Variants in VAV2 observed in about 807,000 individuals in gnomAD.
The protein encoded by VAV2 is vav guanine nucleotide exchange factor 2, also known as guanine nucleotide exchange factor VAV2.
VAV2 carries 67 observed loss-of-function variants against 132.5 expected under a neutral mutation model. The observed-to-expected ratio is 0.51, with a 90% confidence interval of 0.42 to 0.62. VAV2 has a LOEUF of 0.62. Among genes scored for constraint, VAV2 ranks in the 20% least tolerant of loss-of-function variants. The pLI is 0.00. For missense variants in VAV2, 938 were observed against 1,153.6 expected, an observed-to-expected ratio of 0.81 and a Z score of 2.71; for synonymous variants, 492 against 443.5, an observed-to-expected ratio of 1.11 and a Z score of -1.37.
intron 2 of VAV2, among the ~76,000 whole-genome samples, chr9:133,923,417 G>C (rs1056184848): frequency 6.6e-6 from 1 of 152,198 alleles, no homozygotes; most frequent in African/African-American, 2.4e-5. Flanking sequence ...GGTCACGAGA[G>C]AAACGCAAAT....
chr9:133,852,643 G>A (rs1329045909), intron 3 of VAV2, among the ~76,000 whole-genome samples: 1 of 152,104 alleles, frequency 6.6e-6, no homozygotes, highest in East Asian at 1.9e-4. Context: ...GGCTGTTCAC[G>A]CCCCCCTGCC....
chr9:133,972,112 C>A (rs1285574473), intron 1 of VAV2, among the ~76,000 whole-genome samples: 1 of 152,130 alleles, frequency 6.6e-6, no homozygotes, highest in Non-Finnish European at 1.5e-5. Context: ...CCACACACAC[C>A]CCAAAGTCCC....
At chr9:133,848,948 C>A (rs1221303049) in intron 3 of VAV2, among the ~76,000 whole-genome samples, 1 of 152,232 alleles carries the variant, frequency 6.6e-6, no homozygotes, top group South Asian at 2.1e-4. Context: ...AATGATCTCA[C>A]GTCTCATCTG....
At chr9:133,990,643 G>A (rs1019746047) in intron 1 of VAV2, among the ~76,000 whole-genome samples, 2 of 152,178 alleles carry the variant, frequency 1.3e-5, no homozygotes, top group Non-Finnish European at 2.9e-5. Context: ...ACCTTGGTTC[G>A]AGGCCCAGCC....
At chr9:133,838,410 A>G (rs74787779) in intron 3 of VAV2, among the ~76,000 whole-genome samples, 7,539 of 133,944 alleles carry the variant, frequency 0.056, 426 homozygotes, top group African/African-American at 0.15. Flanking sequence ...TGGCTGGCTG[A>G]GTGGGTGCAT....
chr9:133,939,425 T>G, intron 1 of VAV2: 1 of 597,738 alleles, frequency 1.7e-6, no homozygotes. Context: ...CAGGCCTGGA[T>G]GGAAGTGGAA....
chr9:133,837,476 C>A (rs1334689038), intron 3 of VAV2, among the ~76,000 whole-genome samples: 1 of 152,080 alleles, frequency 6.6e-6, no homozygotes, highest in Non-Finnish European at 1.5e-5. Context: ...GCGGGCGGAT[C>A]ACCTGAGGTC....
chr9:133,931,144 G>T (rs1022107129), intron 2 of VAV2, among the ~76,000 whole-genome samples: 4 of 152,196 alleles, frequency 2.6e-5, no homozygotes, highest in African/African-American at 9.6e-5. Context: ...AGCAGCATCA[G>T]ACTTCACTCG....
At chr9:133,950,843 C>T (rs1256343303) in intron 1 of VAV2, among the ~76,000 whole-genome samples, 16 of 152,096 alleles carry the variant, frequency 1.1e-4, no homozygotes, top group Admixed American at 7.9e-4. Context: ...TTCCGGAAAG[C>T]GGCCTCCGAG....
chr9:133,800,146 G>A (rs1211102815), intron 9 of VAV2, among the ~76,000 whole-genome samples: 1 of 152,220 alleles, frequency 6.6e-6, no homozygotes, highest in Non-Finnish European at 1.5e-5. Context: ...TCCTGGGGCT[G>A]TCCTAGGGCT....
intron 5 of VAV2, among the ~76,000 whole-genome samples, chr9:133,811,335 C>T (rs941122970): frequency 6.6e-6 from 1 of 152,264 alleles, no homozygotes; most frequent in Non-Finnish European, 1.5e-5. Flanking sequence ...TGCTTCTCCA[C>T]CACCAGCTGG....
intron 3 of VAV2, among the ~76,000 whole-genome samples, chr9:133,850,302 C>G (rs777050166): frequency 6.6e-6 from 1 of 152,218 alleles, no homozygotes; most frequent in Non-Finnish European, 1.5e-5. Flanking sequence ...ACGCCCTACC[C>G]TGCTCTGCCC....
In VAV2 at chr9:133,991,367, C is replaced by T. The variant is rs1843009988; in HGVS notation, c.204+708G>A. Among the ~76,000 whole-genome samples, 1 of 152,198 alleles carries T rather than the reference C, an allele frequency of 6.6e-6. No individual in the cohort carries two copies. Among genetic ancestry groups the T allele is most frequent in the Non-Finnish European group, 1.5e-5 (1 of 68,036 alleles). On this transcript the variant is annotated intron_variant, in intron 1 of 29. Coordinates refer to ENST00000371850, the MANE Select transcript of VAV2 (RefSeq NM_001134398.2). The surrounding 1 kb of genome is among the most constrained non-coding windows in gnomAD (Gnocchi z 4.8). ...GGCCCTGCGGCCGCACGCGTGCCTC[C>T]GCCGCGACAAAGGCCACACTCAGCG...
At chr9:133,930,831 G>A (rs1459800286) in intron 2 of VAV2, among the ~76,000 whole-genome samples, 3 of 152,218 alleles carry the variant, frequency 2.0e-5, no homozygotes, top group South Asian at 4.1e-4. Context: ...AGCGTCGCCA[G>A]CTGGCACTTC....
At chr9:133,909,589 G>A (rs1214975297) in intron 2 of VAV2, among the ~76,000 whole-genome samples, 1 of 152,134 alleles carries the variant, frequency 6.6e-6, no homozygotes, top group Admixed American at 6.5e-5. Flanking sequence ...CCATCCACAA[G>A]AGATAGCCAG....
intron 4 of VAV2, among the ~76,000 whole-genome samples, chr9:133,818,537 G>A (rs983879100): frequency 1.3e-5 from 2 of 152,174 alleles, no homozygotes; most frequent in African/African-American, 4.8e-5. Flanking sequence ...GCCTTGGGCT[G>A]ACACATCACT....
intron 2 of VAV2, among the ~76,000 whole-genome samples, chr9:133,915,572 C>A (rs2132058466): frequency 7.6e-6 from 1 of 131,652 alleles, no homozygotes; most frequent in East Asian, 2.4e-4. Context: ...TGGTGCCAGT[C>A]TCAAAGACAA....
intron 3 of VAV2, among the ~76,000 whole-genome samples, chr9:133,846,849 G>A (rs1030208661): frequency 6.6e-6 from 1 of 152,244 alleles, no homozygotes; most frequent in Non-Finnish European, 1.5e-5. Context: ...CGACTTGTCC[G>A]CCCCAGTGAT....
chr9:133,808,222 G>A (rs1400274323), intron 7 of VAV2, among the ~76,000 whole-genome samples: 2 of 152,232 alleles, frequency 1.3e-5, no homozygotes, highest in African/African-American at 4.8e-5. Flanking sequence ...AAGGACCTGG[G>A]CCAGGGTGTA....
Sources: gnomAD v4.1 joint callset for allele counts (sites outside exome capture counted in the v4.1 genomes callset) on GRCh38, gnomAD v4.1.1 for gene constraint, Gnocchi (gnomAD v3.1) non-coding constraint, MANE v1.5 for transcripts, NCBI Gene and HGNC (gene_info 2026-07-23, HGNC 2026-07-21) for gene names.